Variants in TRIM37 observed in about 807,000 individuals in gnomAD.
The protein encoded by TRIM37 is E3 ubiquitin-protein ligase TRIM37.
In TRIM37, 80 loss-of-function variants were observed where a neutral mutation model predicts 129.8. The ratio of observed to expected loss-of-function variants is 0.62; its 90% CI spans 0.51 to 0.74. The LOEUF (loss-of-function observed/expected upper bound fraction) is 0.74, where lower values mean the gene tolerates loss of function less well. TRIM37 is among the 30% of genes least tolerant of loss of function. TRIM37 has a pLI of 0.00. For missense variants in TRIM37, 1,054 were observed against 1,176.5 expected, an observed-to-expected ratio of 0.90 and a Z score of 1.52; for synonymous variants, 389 against 387.1, an observed-to-expected ratio of 1.00 and a Z score of -0.06.
chr17:59,057,146 C>T, intron 12 of TRIM37, 92 bp from the exon 13 acceptor site: 2 of 1,096,880 alleles, frequency 1.8e-6, no homozygotes, highest in Admixed American at 3.9e-5. Context: ...AAGTAATTAC[C>T]TGAGAAGAAA....
chr17:59,101,733 T>A (rs1474772019), intron 2 of TRIM37, among the ~76,000 whole-genome samples: 2 of 139,766 alleles, frequency 1.4e-5, no homozygotes, highest in East Asian at 4.2e-4. Flanking sequence ...TATATACATA[T>A]ACATGTTTAT....
Position 59,044,550 on chromosome 17 carries a change from G to A in TRIM37, c.1668-2652C>T, listed in dbSNP as rs890700253. ...GCACTCCAGCCTGGGCGACAAGAGCGAAACTCCGTCTCAAAAAAAAATAAA... is the reference window on the plus strand; with the variant it reads ...GCACTCCAGCCTGGGCGACAAGAGCAAAACTCCGTCTCAAAAAAAAATAAA... On this transcript the variant is annotated intron_variant, in intron 16 of 23. Transcript: ENST00000262294. 4.6e-5 allele frequency among the ~76,000 whole-genome samples: 7 copies of A among 151,948 alleles called. No homozygotes were observed. The East Asian group carries it at 5.8e-4, about 13-fold the overall frequency.
chr17:59,063,723 G>A (rs909867058), intron 10 of TRIM37, among the ~76,000 whole-genome samples: 10 of 152,184 alleles, frequency 6.6e-5, no homozygotes, highest in Non-Finnish European at 1.3e-4. Context: ...TTCACTTTGA[G>A]CTGAGATAAA....
intron 1 of TRIM37, among the ~76,000 whole-genome samples, chr17:59,104,978 G>C (rs1195960181): frequency 6.6e-6 from 1 of 151,534 alleles, no homozygotes; most frequent in Admixed American, 6.6e-5. Context: ...TGTAATCCCA[G>C]CTACACAGGA....
chr17:59,043,325 C>T (rs1450491227), intron 16 of TRIM37, among the ~76,000 whole-genome samples: 1 of 152,086 alleles, frequency 6.6e-6, no homozygotes, highest in Non-Finnish European at 1.5e-5. Context: ...AACCACTTAA[C>T]GACTCTGGAA....
At chr17:59,050,582 T>C (rs2040240696) in intron 14 of TRIM37, among the ~76,000 whole-genome samples, 1 of 152,090 alleles carries the variant, frequency 6.6e-6, no homozygotes, top group Non-Finnish European at 1.5e-5. Flanking sequence ...CCTGGGAGGC[T>C]AAGGTGGGAA....
At chr17:59,065,569 A>G (rs771265668) in intron 9 of TRIM37, among the ~76,000 whole-genome samples, 2 of 152,212 alleles carry the variant, frequency 1.3e-5, no homozygotes, top group Non-Finnish European at 1.5e-5. Context: ...TGGTTTGTAC[A>G]CTTTCATTAG....
At chr17:59,012,587 T>C (rs2035430608) in intron 21 of TRIM37, 141 bp from the exon 22 acceptor site, 1 of 665,342 alleles carries the variant, frequency 1.5e-6, no homozygotes, top group Non-Finnish European at 2.6e-6. Context: ...CTGAAAATAT[T>C]TCACTAAGGT....
intron 1 of TRIM37, chr17:59,104,636 T>C: frequency 1.6e-6 from 1 of 635,412 alleles, no homozygotes; most frequent in East Asian, 2.8e-5. Flanking sequence ...AACACAGACA[T>C]GCAGAAAAAT....
chr17:58,986,719 G>C lies in TRIM37; in HGVS notation c.2892-3798C>G, dbSNP rs145835765. ...AGACGGGGTTTTGCCATGTTGGCCA[G>C]ACTGGTCTTGAACACCTGACCTCAA... On this transcript the variant is annotated intron_variant, in intron 24 of 24. Transcript: ENST00000393066. 3.6e-3 allele frequency among the ~76,000 whole-genome samples: 547 copies of C among 152,218 alleles called. 3 individuals carry two copies. The highest frequency in any genetic ancestry group is 5.1e-3 in the Non-Finnish European group (347 of 68,006).
chr17:59,042,057 C>T (rs542534762), intron 16 of TRIM37, among the ~76,000 whole-genome samples, 159 bp from the exon 17 acceptor site: 8 of 152,142 alleles, frequency 5.3e-5, no homozygotes, highest in Admixed American at 2.0e-4. Flanking sequence ...ATTTAAGTAG[C>T]GTTAATGTTA....
chr17:59,052,402 G>A (rs1008502348), intron 13 of TRIM37, among the ~76,000 whole-genome samples: 3 of 151,938 alleles, frequency 2.0e-5, no homozygotes, highest in East Asian at 1.9e-4. Flanking sequence ...CCTTTTACCC[G>A]GCTACACAAT....
At chr17:59,088,057 G>C (rs1198449738) in intron 4 of TRIM37, 2 of 596,822 alleles carry the variant, frequency 3.4e-6, no homozygotes, top group African/African-American at 1.9e-5. Context: ...TTCTGTGTGG[G>C]GGGAGGGGAG....
At position 59,070,965 on chromosome 17, in the gene TRIM37, T is replaced by C. The variant is rs1036453514; in HGVS notation, c.685-18A>G. 2.5e-6 allele frequency: 4 copies of C among 1,612,360 alleles called. No individual in the cohort carries two copies. The Admixed American group carries it at 6.7e-5, about 27-fold the overall frequency. ...GACCGCAACTGTGTGAGGAAAAAAA[T>C]TATCTGAACAAACAAAATTACTATT... On this transcript the variant is annotated intron_variant, in intron 8 of 23. Coordinates refer to ENST00000262294, the MANE Select transcript of TRIM37 (RefSeq NM_015294.6).
intron 19 of TRIM37, among the ~76,000 whole-genome samples, chr17:59,019,129 G>A (rs1026285548): frequency 1.3e-5 from 2 of 152,192 alleles, no homozygotes; most frequent in Non-Finnish European, 2.9e-5. Flanking sequence ...CAGTTGCCAT[G>A]TAACCCATTA....
At chr17:58,972,067 T>G in the TRIM37 span, 1 of 1,474,632 alleles carries the variant, frequency 6.8e-7, no homozygotes, top group Non-Finnish European at 9.2e-7. Flanking sequence ...TATAAATTGC[T>G]TCTCAATAAG....
At chr17:59,006,892 AAAATAAAT>A (rs539813743) in intron 22 of TRIM37, among the ~76,000 whole-genome samples, 2 of 151,798 alleles carry the variant, frequency 1.3e-5, no homozygotes, top group Admixed American at 6.6e-5. Flanking sequence ...CTGTCTCCAA[AAAATAAAT>A]AAATAAATAA....
chr17:59,052,628 G>C (rs2040452410), intron 13 of TRIM37, among the ~76,000 whole-genome samples: 1 of 152,004 alleles, frequency 6.6e-6, no homozygotes, highest in African/African-American at 2.4e-5. Context: ...TGTTATAACT[G>C]GATGATCAAA....
At chr17:59,103,166 T>C (rs1014956868) in intron 2 of TRIM37, among the ~76,000 whole-genome samples, 2 of 151,980 alleles carry the variant, frequency 1.3e-5, no homozygotes, top group African/African-American at 4.8e-5. Context: ...AGCTACCTAC[T>C]GCGCCCAGCT....
Sources: gnomAD v4.1 joint callset for allele counts (sites outside exome capture counted in the v4.1 genomes callset) on GRCh38, gnomAD v4.1.1 for gene constraint, MANE v1.5 for transcripts, NCBI Gene and HGNC (gene_info 2026-07-23, HGNC 2026-07-21) for gene names.